RNF8: variants seen among roughly 807,000 people sequenced by gnomAD.
RNF8 encodes E3 ubiquitin-protein ligase RNF8.
RNF8 carries 8 observed loss-of-function variants against 59.3 expected under a neutral mutation model. The observed-to-expected ratio is 0.13, with a 90% CI of 0.08 to 0.24. The LOEUF (loss-of-function observed/expected upper bound fraction) is 0.24, where lower values mean the gene tolerates loss of function less well. Among genes scored for constraint, RNF8 ranks in the 10% least tolerant of loss-of-function variants. The pLI is 1.00. For synonymous variants in RNF8, 162 were observed against 200.0 expected, an observed-to-expected ratio of 0.81 and a Z score of 1.60; for missense variants, 406 against 572.6, an observed-to-expected ratio of 0.71 and a Z score of 2.97.
chr6:37,390,474 G>A (rs866022879), intron 7 of RNF8, among the ~76,000 whole-genome samples: 3 of 152,094 alleles, frequency 2.0e-5, no homozygotes, highest in African/African-American at 4.8e-5. Context: ...TGGAGTGAGC[G>A]CTGGGGAGTG....
At chr6:37,379,822 G>A (rs1358852695) in intron 6 of RNF8, among the ~76,000 whole-genome samples, 1 of 152,036 alleles carries the variant, frequency 6.6e-6, no homozygotes, top group Non-Finnish European at 1.5e-5. Flanking sequence ...ATGTCAATTA[G>A]CAAGACATAA....
At chr6:37,359,360 G>A (rs1433049165) in intron 1 of RNF8, 1 of 292,178 alleles carries the variant, frequency 3.4e-6, no homozygotes, top group Non-Finnish European at 6.7e-6. Context: ...CAGATGGTGT[G>A]GGTTAATGTT....
At position 37,392,199 on chromosome 6, in the gene RNF8, T is replaced by C. The variant is rs1283512749; in HGVS notation, c.*1441T>C. ...CCACATCATAAGAATTCTGGAAAAA[T>C]AGAGAACAAAAGGAAAAGATTGTTA... On this transcript the variant is annotated 3_prime_UTR_variant, in exon 8 of 8. Coordinates refer to ENST00000373479, the MANE Select transcript of RNF8 (RefSeq NM_003958.4). The C allele has an allele frequency of 2.8e-6, 1 of 351,454 alleles. No individual in the cohort carries two copies. The highest frequency in any genetic ancestry group is 5.1e-6 in the Non-Finnish European group (1 of 197,290). 21.8% of individuals were successfully genotyped at this position (351,454 alleles called of 1,614,324 possible).
At chr6:37,382,699 G>T (rs1225324728) in intron 7 of RNF8, among the ~76,000 whole-genome samples, 5 of 152,178 alleles carry the variant, frequency 3.3e-5, no homozygotes, top group Non-Finnish European at 5.9e-5. Context: ...GAAAGAAAAG[G>T]CTGGGCACGG....
intron 1 of RNF8, among the ~76,000 whole-genome samples, chr6:37,358,467 T>G (rs1041015343): frequency 2.0e-5 from 3 of 152,146 alleles, no homozygotes; most frequent in African/African-American, 7.2e-5. Context: ...GCTGCAGAGA[T>G]AGGAATGAAC....
chr6:37,364,178 C>CAAAAAAAAA (rs35915593), intron 2 of RNF8, among the ~76,000 whole-genome samples: 1 of 82,320 alleles, frequency 1.2e-5, no homozygotes, highest in African/African-American at 5.0e-5. Context: ...GACTCTGTCT[C>CAAAAAAAAA]AAAAAAAAAA....
intron 1 of RNF8, among the ~76,000 whole-genome samples, chr6:37,355,282 C>A (rs1430228326): frequency 6.6e-6 from 1 of 152,292 alleles, no homozygotes; most frequent in Middle Eastern, 3.4e-3. Context: ...ATGAAAAGTT[C>A]TCTTTGCAGT....
At chr6:37,372,963 C>CA (rs1562091736) in intron 4 of RNF8, among the ~76,000 whole-genome samples, 1 of 151,664 alleles carries the variant, frequency 6.6e-6, no homozygotes, top group African/African-American at 2.4e-5. Context: ...GACTCCGTCT[C>CA]AAAAAAAAGT....
intron 7 of RNF8, among the ~76,000 whole-genome samples, chr6:37,386,372 A>G (rs188004948): frequency 6.6e-6 from 1 of 152,230 alleles, no homozygotes; most frequent in East Asian, 1.9e-4. Flanking sequence ...TGTTCTGTGC[A>G]TTTGTGCTCT....
At chr6:37,379,988 A>C (rs1177546067) in intron 6 of RNF8, among the ~76,000 whole-genome samples, 1 of 152,072 alleles carries the variant, frequency 6.6e-6, no homozygotes, top group African/African-American at 2.4e-5. Flanking sequence ...ATCATGGCTC[A>C]CTGCAGCCTC....
intron 6 of RNF8, among the ~76,000 whole-genome samples, chr6:37,378,896 G>C (rs550550084): frequency 4.2e-4 from 64 of 152,208 alleles, no homozygotes; most frequent in Non-Finnish European, 9.0e-4. Context: ...TGGAGCATCT[G>C]CAGAGACATA....
chr6:37,357,026 A>C (rs560274767), intron 1 of RNF8, among the ~76,000 whole-genome samples: 50 of 152,350 alleles, frequency 3.3e-4, no homozygotes, highest in African/African-American at 1.1e-3. Context: ...GGTGTGAGCC[A>C]CCACACCTGG....
intron 4 of RNF8, 148 bp downstream of exon 4, chr6:37,371,722 C>T (rs949874102): frequency 1.7e-6 from 1 of 587,256 alleles, no homozygotes; most frequent in African/African-American, 1.9e-5. Flanking sequence ...CTGCTCACAC[C>T]ATCAGATCAG....
chr6:37,367,897 C>T lies in RNF8; in HGVS notation c.241-587C>T, dbSNP rs1393542723. Among the ~76,000 whole-genome samples the T allele has an allele frequency of 3.9e-5, 6 of 152,184 alleles. 1 individual carries two copies. The highest frequency in any genetic ancestry group is 2.6e-4 in the Admixed American group (4 of 15,280). ...GCAGACTATGAACCCACATCTGAGT[C>T]CAGAGCTCCAGCTCTTAACCGCTAT... On this transcript the variant is annotated intron_variant, in intron 2 of 7. Coordinates refer to ENST00000373479, the MANE Select transcript of RNF8 (RefSeq NM_003958.4).
intron 7 of RNF8, among the ~76,000 whole-genome samples, chr6:37,387,836 A>C (rs994037033): frequency 6.6e-6 from 1 of 152,198 alleles, no homozygotes; most frequent in African/African-American, 2.4e-5. Context: ...TCAGTGAAGG[A>C]CATGGAGTGT....
At chr6:37,369,370 A>T in intron 3 of RNF8, 152 bp downstream of exon 3, 1 of 970,652 alleles carries the variant, frequency 1.0e-6, no homozygotes, top group Non-Finnish European at 1.5e-6. Flanking sequence ...CTTTTGAGAT[A>T]AGGGAAGGGG....
At chr6:37,357,811 A>G (rs1265381473) in intron 1 of RNF8, among the ~76,000 whole-genome samples, 2 of 152,244 alleles carry the variant, frequency 1.3e-5, no homozygotes, top group African/African-American at 2.4e-5. Context: ...TTGAGGACTC[A>G]TATGCAAGAC....
At chr6:37,387,657 T>G (rs1770568347) in intron 7 of RNF8, among the ~76,000 whole-genome samples, 1 of 152,224 alleles carries the variant, frequency 6.6e-6, no homozygotes, top group African/African-American at 2.4e-5. Flanking sequence ...TCTTTCCTTT[T>G]TCTTAGCACC....
At chr6:37,369,303 TG>T in intron 3 of RNF8, 85 bp downstream of exon 3, 1 of 1,444,232 alleles carries the variant, frequency 6.9e-7, no homozygotes, top group Non-Finnish European at 9.2e-7. Context: ...TCTCAGTTTC[TG>T]GGCCAGGTAC....
Sources: gnomAD v4.1 joint callset for allele counts (sites outside exome capture counted in the v4.1 genomes callset) on GRCh38, gnomAD v4.1.1 for gene constraint, MANE v1.5 for transcripts, NCBI Gene and HGNC (gene_info 2026-07-23, HGNC 2026-07-21) for gene names.